The following FRMPD4 variants were observed in gnomAD, a reference collection of about 807,000 sequenced individuals.
FRMPD4 encodes the protein FERM and PDZ domain-containing protein 4.
A neutral mutation model predicts 94.1 loss-of-function variants in FRMPD4; 22 were observed. That is an observed-to-expected ratio of 0.23 (90% CI 0.17 to 0.33). The LOEUF (loss-of-function observed/expected upper bound fraction) is 0.33. Ranked by LOEUF, FRMPD4 falls within the 10% of genes least tolerant of loss-of-function variation. The pLI is 1.00. For missense variants in FRMPD4, 1,111 were observed against 1,339.9 expected (o/e 0.83, Z 2.67); for synonymous variants, 631 against 548.6 (o/e 1.15, Z -2.10).
At chrX:12,538,881 T>C (rs1439278685) in intron 2 of FRMPD4, among the ~76,000 whole-genome samples, 1 of 111,505 alleles carries the variant, frequency 9.0e-6, no homozygotes, top group Non-Finnish European at 1.9e-5. Context: ...AGCTGAAAAT[T>C]CTAAAAATCA....
At chrX:12,520,655 C>T (rs1376374344) in intron 2 of FRMPD4, among the ~76,000 whole-genome samples, 31 of 111,913 alleles carry the variant, frequency 2.8e-4, no homozygotes, top group Non-Finnish European at 1.5e-4. Flanking sequence ...GAGTTTCATC[C>T]CTGATATCTG....
At chrX:12,548,250 G>C (rs766562790) in intron 2 of FRMPD4, among the ~76,000 whole-genome samples, 1 of 111,874 alleles carries the variant, frequency 8.9e-6, no homozygotes, top group African/African-American at 3.2e-5. Flanking sequence ...GGCATTATAG[G>C]AAAGGGGAAA....
chrX:12,544,207 C>A (rs142541857), intron 2 of FRMPD4, among the ~76,000 whole-genome samples: 2,198 of 110,099 alleles, frequency 0.02, 44 homozygotes, highest in African/African-American at 0.067. Context: ...GCATGTTGTG[C>A]ACATGTACCC....
chrX:12,326,801 C>CA (rs1303446437), intron 1 of FRMPD4, among the ~76,000 whole-genome samples: 2 of 110,556 alleles, frequency 1.8e-5, no homozygotes, highest in African/African-American at 6.6e-5. Flanking sequence ...CTCATCTCTA[C>CA]AAAAAAATTA....
At chrX:12,422,013 CAG>C (rs1237903257) in intron 1 of FRMPD4, among the ~76,000 whole-genome samples, 2 of 112,155 alleles carry the variant, frequency 1.8e-5, no homozygotes, top group Non-Finnish European at 1.9e-5. Flanking sequence ...TCCTTGAAAA[CAG>C]GGTGTAAAAC....
intron 4 of FRMPD4, among the ~76,000 whole-genome samples, chrX:12,639,687 G>A (rs939254046): frequency 7.1e-5 from 8 of 112,255 alleles, no homozygotes; most frequent in African/African-American, 1.9e-4. Context: ...TTCACACTAT[G>A]TGTTCTTCCA....
At chrX:12,640,609 T>G (rs1205520975) in intron 4 of FRMPD4, among the ~76,000 whole-genome samples, 1 of 112,100 alleles carries the variant, frequency 8.9e-6, no homozygotes, top group Non-Finnish European at 1.9e-5. Flanking sequence ...CAGTCATTCT[T>G]TTAATAGAAG....
At chrX:12,677,301 T>G (rs1245687421) in intron 5 of FRMPD4, among the ~76,000 whole-genome samples, 1 of 111,164 alleles carries the variant, frequency 9.0e-6, no homozygotes, top group Non-Finnish European at 1.9e-5. Context: ...ACTGTTCAAA[T>G]CCCAAATGGC....
At chrX:12,614,158 A>G (rs752243413) in intron 3 of FRMPD4, 2 of 112,263 alleles carry the variant, frequency 1.8e-5, no homozygotes, top group African/African-American at 3.3e-5. Context: ...CTGGCGATCA[A>G]TGGGGCAACA....
intron 1 of FRMPD4, among the ~76,000 whole-genome samples, chrX:12,276,818 A>T (rs937609912): frequency 2.7e-5 from 3 of 110,569 alleles, no homozygotes; most frequent in African/African-American, 9.9e-5. Context: ...TACATTTAAA[A>T]AGTTTCAAAA....
chrX:11,977,216 TA>T (rs1028720173), intron 3 of FRMPD4, among the ~76,000 whole-genome samples: 3 of 112,393 alleles, frequency 2.7e-5, no homozygotes, highest in African/African-American at 9.7e-5. Flanking sequence ...AATTTGCTTT[TA>T]AAAATTATTC....
At chrX:11,845,272 A>G (rs910062545) in intron 1 of FRMPD4, among the ~76,000 whole-genome samples, 9 of 112,216 alleles carry the variant, frequency 8.0e-5, no homozygotes, top group African/African-American at 2.6e-4. Flanking sequence ...ACAGAAAGAA[A>G]TAAACATGTG....
chrX:12,176,450 A>G (rs1311163149), intron 1 of FRMPD4, among the ~76,000 whole-genome samples: 3 of 111,730 alleles, frequency 2.7e-5, no homozygotes, highest in Non-Finnish European at 5.6e-5. Context: ...TTGTGGCCGT[A>G]TTTCCCCAAA....
intron 1 of FRMPD4, among the ~76,000 whole-genome samples, chrX:12,284,621 C>A (rs768553735): frequency 9.8e-5 from 11 of 111,866 alleles, no homozygotes; most frequent in African/African-American, 3.3e-4. Context: ...ATTCATGTCA[C>A]CTTGATAGTG....
chrX:12,184,040 G>A (rs2056394258), intron 1 of FRMPD4, among the ~76,000 whole-genome samples: 1 of 110,315 alleles, frequency 9.1e-6, no homozygotes, highest in Non-Finnish European at 1.9e-5. Flanking sequence ...TACTGGAACT[G>A]CATATTGAAA....
Position 12,095,161 on chromosome X carries a change from G to A in FRMPD4, c.95+217143G>A, listed in dbSNP as rs551637586. On this transcript the variant is annotated intron_variant, in intron 3 of 18. Transcript: ENST00000640291. ...AGAGGCCAAGGCAGGAAGATTGCTT[G>A]AGACCAGGAATTTGAAACCACCCTG... Among the ~76,000 whole-genome samples the A allele has an allele frequency of 1.4e-3, 157 of 111,279 alleles. 1 individual carries two copies. Among genetic ancestry groups the A allele is most frequent in the African/African-American group, 5.0e-3 (152 of 30,611 alleles).
chrX:12,438,785 TGTGGAG>T (rs1422804510), intron 1 of FRMPD4, among the ~76,000 whole-genome samples: 1 of 111,662 alleles, frequency 9.0e-6, no homozygotes, highest in Admixed American at 9.5e-5. Flanking sequence ...ACACAACTGC[TGTGGAG>T]GTGGCAAGAA....
At chrX:12,130,000 A>G (rs4830760) in intron 3 of FRMPD4, among the ~76,000 whole-genome samples, 21,483 of 110,186 alleles carry the variant, frequency 0.19, 1,523 homozygotes, top group South Asian at 0.37. Flanking sequence ...CCATCCTCCC[A>G]CAACTAATTG....
At chrX:12,051,510 C>T (rs1353218915) in intron 3 of FRMPD4, among the ~76,000 whole-genome samples, 1 of 111,982 alleles carries the variant, frequency 8.9e-6, no homozygotes, top group African/African-American at 3.2e-5. Context: ...TATATTCCAA[C>T]TTCATAAGCT....
Sources: allele counts gnomAD v4.1 joint callset (sites outside exome capture counted in the v4.1 genomes callset), GRCh38; gene constraint gnomAD v4.1.1; transcripts MANE v1.5; gene names NCBI Gene and HGNC (gene_info 2026-07-23, HGNC 2026-07-21).